Variants in NECTIN3 observed in about 807,000 individuals in gnomAD.
NECTIN3 encodes the protein nectin-3.
Under a neutral mutation model 49.4 loss-of-function variants are expected in NECTIN3, and 8 were observed. That is an observed-to-expected ratio of 0.16 (90% CI 0.10 to 0.29). The LOEUF (loss-of-function observed/expected upper bound fraction) is 0.29. Among genes scored for constraint, NECTIN3 ranks in the 10% least tolerant of loss-of-function variants. NECTIN3 has a pLI of 1.00. For synonymous variants in NECTIN3, 277 were observed against 241.1 expected (o/e 1.15, Z -1.38); for missense variants, 581 against 654.6 (o/e 0.89, Z 1.23).
chr3:111,167,923 T>A (rs779758148), intron 7 of NECTIN3, among the ~76,000 whole-genome samples: 1 of 152,188 alleles, frequency 6.6e-6, no homozygotes, highest in Non-Finnish European at 1.5e-5. Flanking sequence ...TGTTAGGCAC[T>A]CCATACAGGT....
chr3:111,099,624 T>TC (rs998419423), intron 1 of NECTIN3, among the ~76,000 whole-genome samples: 1 of 152,204 alleles, frequency 6.6e-6, no homozygotes, highest in Non-Finnish European at 1.5e-5. Context: ...ACCCTTTTTT[T>TC]CTTAACCTTC....
chr3:111,124,219 C>T (rs1350952505), intron 4 of NECTIN3, among the ~76,000 whole-genome samples: 3 of 152,070 alleles, frequency 2.0e-5, no homozygotes, highest in African/African-American at 7.2e-5. Flanking sequence ...GGATTCTCAT[C>T]CCAATGTCTA....
At chr3:111,142,463 A>T (rs2034770696), downstream of NECTIN3, among the ~76,000 whole-genome samples, 1 of 151,890 alleles carries the variant, frequency 6.6e-6, no homozygotes, top group Admixed American at 6.6e-5. Context: ...GTTGTGATAT[A>T]GTCAACTCTC....
intron 4 of NECTIN3, among the ~76,000 whole-genome samples, chr3:111,123,932 T>G (rs2034056976): frequency 6.6e-6 from 1 of 152,150 alleles, no homozygotes; most frequent in African/African-American, 2.4e-5. Flanking sequence ...AAATCTATTT[T>G]CTGTCTTCTA....
At chr3:111,156,074 T>C (rs537681400) in intron 7 of NECTIN3, among the ~76,000 whole-genome samples, 2 of 152,252 alleles carry the variant, frequency 1.3e-5, no homozygotes, top group Admixed American at 6.5e-5. Flanking sequence ...TGACGTTGAG[T>C]TGCTGAATAA....
chr3:111,138,845 G>GTAC (rs1381425711), downstream of NECTIN3, among the ~76,000 whole-genome samples: 4 of 151,522 alleles, frequency 2.6e-5, no homozygotes, highest in Non-Finnish European at 4.4e-5. Flanking sequence ...ACATAGACAT[G>GTAC]ATATGCAAGT....
Position 111,126,256 on chromosome 3 carries a change from C to T in NECTIN3, c.990C>T (p.Phe330=). 6.2e-7 allele frequency: 1 copy of T among 1,610,086 alleles called. No homozygotes were observed. Among genetic ancestry groups the T allele is most frequent in the Non-Finnish European group, 8.5e-7 (1 of 1,178,706 alleles). The change falls in exon 5 of 6, where the codon TTC becomes TTT. Residue 330 remains phenylalanine, a synonymous_variant. Transcript: ENST00000485303. ...NTLHFVHPLT[F]NYSGVYICKV... ...TTCATTTTGTCCATCCATTGACTTTCAATTATTCTGGTGTTTATATCTGTA... is the reference window on the plus strand; with the variant it reads ...TTCATTTTGTCCATCCATTGACTTTTAATTATTCTGGTGTTTATATCTGTA...
chr3:111,134,123 T>G lies in NECTIN3; in HGVS notation c.1558T>G (p.Phe520Val). The G allele has an allele frequency of 6.2e-7, 1 of 1,613,388 alleles. No individual in the cohort carries two copies. The highest frequency in any genetic ancestry group is 1.7e-4 in the Middle Eastern group (1 of 6,054). The change falls in exon 6 of 6, where the codon TTT (phenylalanine) becomes GTT (valine). Residue 520 changes from phenylalanine (F) to valine (V), a missense_variant. Phe to Val is a conservative substitution (Grantham distance 50). This residue lies in a region of NECTIN3 where 238 missense variants were observed against 244.9 expected (regional missense o/e 0.97). Transcript: ENST00000485303. The part of the protein sequence containing the change: ...YYEDLKMGMK[F>V]VSDEHYDENE... ...TGAAGATCTAAAAATGGGAATGAAG[T>G]TTGTCAGTGATGAACATTATGATGA... is the stretch of plus-strand genomic sequence containing the variant.
chr3:111,074,602 A>G (rs1216703158), intron 1 of NECTIN3, among the ~76,000 whole-genome samples: 1 of 152,118 alleles, frequency 6.6e-6, no homozygotes. Flanking sequence ...AAAAATGTTT[A>G]TATCAGACTT....
intron 5 of NECTIN3, among the ~76,000 whole-genome samples, chr3:111,144,726 G>A (rs1329963807): frequency 1.3e-5 from 2 of 151,994 alleles, no homozygotes; most frequent in Admixed American, 6.6e-5. Context: ...TAAGAAAGAA[G>A]GAAGGGTTTT....
chr3:111,148,546 T>C (rs929356674), intron 7 of NECTIN3, among the ~76,000 whole-genome samples: 1 of 152,174 alleles, frequency 6.6e-6, no homozygotes, highest in African/African-American at 2.4e-5. Flanking sequence ...GCTGGAGCTG[T>C]TGTTGTATTT....
chr3:111,183,218 GT>G (rs905105335), intron 7 of NECTIN3, among the ~76,000 whole-genome samples: 1 of 151,036 alleles, frequency 6.6e-6, no homozygotes, highest in African/African-American at 2.4e-5. Flanking sequence ...ATAAAGTTAT[GT>G]TTGAAGTCCG....
At chr3:111,192,347 C>T (rs2035827194), upstream of NECTIN3, 5 of 1,535,518 alleles carry the variant, frequency 3.3e-6, 1 homozygote, top group Admixed American at 9.8e-5. Context: ...GTGTTTTCTT[C>T]CAGCCTGAAC....
rs541270640 is a variant in NECTIN3, at chr3:111,137,281, G to A, written c.*3066G>A. The A allele has an allele frequency of 5.6e-5, 54 of 957,110 alleles. No individual in the cohort carries two copies. The highest frequency in any genetic ancestry group is 1.4e-4 in the African/African-American group (8 of 56,598). The allele number at this position is 957,110 out of a possible 1,614,324, so 59.3% of individuals were successfully genotyped here. A position where few individuals can be genotyped will look rare whatever the true frequency, so the allele number is the denominator to read the frequency against. The stretch of plus-strand genomic sequence containing the variant: ...CATTTTGAATTTTTAATTCTAATAG[G>A]AGAGTAGATTGTAGATTGAATTGTC... On this transcript the variant is annotated 3_prime_UTR_variant, in exon 6 of 6. Coordinates refer to ENST00000485303, the MANE Select transcript of NECTIN3 (RefSeq NM_015480.3).
At chr3:111,183,184 AT>A (rs1171579270) in intron 7 of NECTIN3, among the ~76,000 whole-genome samples, 1 of 152,024 alleles carries the variant, frequency 6.6e-6, no homozygotes, top group African/African-American at 2.4e-5. Context: ...ACCATAATGT[AT>A]CTTTTTTTAA....
chr3:111,186,623 A>T (rs2035724860), intron 7 of NECTIN3, among the ~76,000 whole-genome samples: 1 of 152,194 alleles, frequency 6.6e-6, no homozygotes, highest in Non-Finnish European at 1.5e-5. Context: ...TTAGATCCCC[A>T]TGATACACAA....
chr3:111,152,582 G>A (rs1031172014), intron 7 of NECTIN3, among the ~76,000 whole-genome samples: 2 of 151,732 alleles, frequency 1.3e-5, no homozygotes, highest in African/African-American at 2.4e-5. Context: ...ACCTCTAAAC[G>A]TTTTATAAGT....
At chr3:111,163,743 A>AT (rs1254287107) in intron 7 of NECTIN3, among the ~76,000 whole-genome samples, 1 of 152,156 alleles carries the variant, frequency 6.6e-6, no homozygotes, top group Non-Finnish European at 1.5e-5. Flanking sequence ...GGGAAGATTC[A>AT]TTTTATAGGT....
intron 1 of NECTIN3, among the ~76,000 whole-genome samples, chr3:111,193,952 G>A (rs1239999947): frequency 1.3e-5 from 2 of 152,192 alleles, no homozygotes; most frequent in African/African-American, 4.8e-5. Context: ...CTTCAAGCCT[G>A]TTGGTTGCTT....
Sources: gnomAD v4.1 joint callset for allele counts (sites outside exome capture counted in the v4.1 genomes callset) on GRCh38, gnomAD v4.1.1 for gene constraint, gnomAD v4.1.1 regional missense constraint, MANE v1.5 for transcripts, NCBI Gene and HGNC (gene_info 2026-07-23, HGNC 2026-07-21) for gene names.